GALNT14: variants seen among roughly 807,000 people sequenced by gnomAD.
GALNT14 encodes the protein UDP-GalNAc:polypeptide N-acetylgalactosaminyltransferase 14.
In GALNT14, 60 loss-of-function variants were observed where a neutral mutation model predicts 77.5. That is an observed-to-expected ratio of 0.77 (90% CI 0.63 to 0.96). GALNT14 has a LOEUF of 0.96. Ranked by LOEUF, GALNT14 falls within the 40% of genes least tolerant of loss-of-function variation. GALNT14 has a pLI of 0.00. For synonymous variants in GALNT14, 280 were observed against 281.7 expected (o/e 0.99, Z 0.06); for missense variants, 710 against 731.0 (o/e 0.97, Z 0.33).
At chr2:31,078,817 G>T in intron 1 of GALNT14, 1 of 832,198 alleles carries the variant, frequency 1.2e-6, no homozygotes, top group South Asian at 1.6e-5. Context: ...CAAGATGAAG[G>T]CAAGGGGCGA....
chr2:31,053,653 G>A (rs1223791779), intron 1 of GALNT14, among the ~76,000 whole-genome samples: 3 of 152,056 alleles, frequency 2.0e-5, no homozygotes, highest in African/African-American at 4.8e-5. Context: ...TGGTCCTGCC[G>A]CCACTAAAAA....
chr2:30,935,971 G>T (rs935257550), intron 9 of GALNT14, among the ~76,000 whole-genome samples: 5 of 152,160 alleles, frequency 3.3e-5, no homozygotes, highest in African/African-American at 9.7e-5. Flanking sequence ...AAAAAGAATT[G>T]TGTAGAGAGT....
chr2:31,118,462 A>G (rs1211154087), intron 1 of GALNT14, among the ~76,000 whole-genome samples: 2 of 152,238 alleles, frequency 1.3e-5, no homozygotes, highest in Non-Finnish European at 2.9e-5. Context: ...ATTCAAAACA[A>G]GAAAATCAAA....
At chr2:31,037,837 A>T (rs1252878842) in intron 1 of GALNT14, among the ~76,000 whole-genome samples, 4 of 151,852 alleles carry the variant, frequency 2.6e-5, no homozygotes, top group Admixed American at 6.6e-5. Flanking sequence ...TTTCTACACT[A>T]GCTGTTTATA....
chr2:31,097,364 A>C (rs1229413450), intron 1 of GALNT14, among the ~76,000 whole-genome samples: 1 of 152,038 alleles, frequency 6.6e-6, no homozygotes, highest in Non-Finnish European at 1.5e-5. Flanking sequence ...CTCTCAGACC[A>C]TGTGCTTGCT....
At chr2:30,954,776 G>A (rs532792951) in intron 6 of GALNT14, among the ~76,000 whole-genome samples, 35 of 152,330 alleles carry the variant, frequency 2.3e-4, no homozygotes, top group Middle Eastern at 3.4e-3. Context: ...TAACGCCAGC[G>A]TTCTGGTGCT....
chr2:31,044,547 A>G (rs1195897325), intron 1 of GALNT14, among the ~76,000 whole-genome samples: 1 of 152,184 alleles, frequency 6.6e-6, no homozygotes, highest in Non-Finnish European at 1.5e-5. Flanking sequence ...CAGAGCACAA[A>G]CTACAAAAGA....
intron 1 of GALNT14, among the ~76,000 whole-genome samples, chr2:31,106,243 T>C (rs1407686409): frequency 6.6e-6 from 1 of 152,226 alleles, no homozygotes; most frequent in Admixed American, 6.5e-5. Flanking sequence ...CATGAAAGCC[T>C]TCCTAATATT....
the GALNT14 span, among the ~76,000 whole-genome samples, chr2:30,897,676 T>C: frequency 6.6e-6 from 1 of 152,138 alleles, no homozygotes; most frequent in Admixed American, 6.5e-5. Context: ...GCGCATGGCG[T>C]AGCTTCTCCA....
chr2:30,951,173 A>G (rs1369631554), intron 6 of GALNT14, among the ~76,000 whole-genome samples: 4 of 152,262 alleles, frequency 2.6e-5, no homozygotes. Flanking sequence ...GTGTTCATCA[A>G]TGGTTGGATG....
At chr2:31,118,750 C>T (rs561800869) in intron 1 of GALNT14, among the ~76,000 whole-genome samples, 45 of 151,988 alleles carry the variant, frequency 3.0e-4, no homozygotes, top group Non-Finnish European at 6.2e-4. Context: ...AAAGGAGAGA[C>T]AAATTTTACT....
chr2:31,054,024 C>G (rs901561535), intron 1 of GALNT14, among the ~76,000 whole-genome samples: 2 of 152,200 alleles, frequency 1.3e-5, no homozygotes, highest in Non-Finnish European at 2.9e-5. Context: ...CAGTCATTCA[C>G]TCAGGCATGC....
At chr2:31,019,981 T>C (rs1348077786) in intron 1 of GALNT14, among the ~76,000 whole-genome samples, 2 of 152,194 alleles carry the variant, frequency 1.3e-5, no homozygotes, top group Non-Finnish European at 2.9e-5. Flanking sequence ...CCTATGAATA[T>C]ATCTCTGTGA....
At chr2:31,018,399 A>T (rs1259202526) in intron 1 of GALNT14, among the ~76,000 whole-genome samples, 1 of 152,218 alleles carries the variant, frequency 6.6e-6, no homozygotes, top group East Asian at 1.9e-4. Context: ...GAAACTTAAC[A>T]ATCATAGCGG....
At chr2:30,998,549 C>A (rs1050680646) in intron 1 of GALNT14, among the ~76,000 whole-genome samples, 1 of 152,194 alleles carries the variant, frequency 6.6e-6, no homozygotes, top group African/African-American at 2.4e-5. Context: ...GTGTCTGATC[C>A]TGAAGAGAAC....
intron 13 of GALNT14, among the ~76,000 whole-genome samples, chr2:30,913,870 G>A (rs1048573887): frequency 1.3e-5 from 2 of 152,120 alleles, no homozygotes; most frequent in East Asian, 1.9e-4. Context: ...TATACTATTC[G>A]ACTTCTGTAT....
At chr2:30,900,826 C>T in the GALNT14 span, among the ~76,000 whole-genome samples, 7 of 152,338 alleles carry the variant, frequency 4.6e-5, no homozygotes, top group South Asian at 1.2e-3. Context: ...CTTTAACACC[C>T]AGTCAGGGGC....
chr2:30,943,270 T>C (rs142310810), intron 8 of GALNT14, among the ~76,000 whole-genome samples: 48 of 152,262 alleles, frequency 3.2e-4, no homozygotes, highest in African/African-American at 1.1e-3. Context: ...GCCAGAGAAA[T>C]GCCTGAAAAG....
At chr2:30,893,526 A>G in the GALNT14 span, among the ~76,000 whole-genome samples, 2 of 152,358 alleles carry the variant, frequency 1.3e-5, no homozygotes, top group African/African-American at 4.8e-5. Context: ...TGTCACAAGG[A>G]TAAAAGGAGA....
Sources: allele counts gnomAD v4.1 joint callset (sites outside exome capture counted in the v4.1 genomes callset), GRCh38; gene constraint gnomAD v4.1.1; transcripts MANE v1.5; gene names NCBI Gene and HGNC (gene_info 2026-07-23, HGNC 2026-07-21).